Variants in HUS1 observed in about 807,000 individuals in gnomAD.
The protein encoded by HUS1 is checkpoint protein HUS1.
HUS1 carries 31 observed loss-of-function variants against 32.6 expected under a neutral mutation model. That is an observed-to-expected ratio of 0.95 (90% CI 0.72 to 1.28). The LOEUF is 1.28. Ranked by LOEUF, HUS1 falls within the 50% of genes most tolerant of loss-of-function variation. The probability of loss-of-function intolerance (pLI) is 0.00; values close to 1 mark genes in which losing one functional copy is unlikely to be tolerated. For missense variants in HUS1, 340 were observed against 337.7 expected, an observed-to-expected ratio of 1.01 and a Z score of -0.05; for synonymous variants, 123 against 116.6, an observed-to-expected ratio of 1.06 and a Z score of -0.36.
chr7:47,975,653 T>C lies in HUS1; in HGVS notation c.500A>G (p.Lys167Arg). 6.2e-7 allele frequency: 1 copy of C among 1,604,026 alleles called. No homozygotes were observed. The highest frequency in any genetic ancestry group is 8.5e-7 in the Non-Finnish European group (1 of 1,171,948). ...GTTTTTCATTTTTTCCACAACACTCTTCATAGTCTTCAAGACTGGTAAATA... is the reference window on the plus strand; with the variant it reads ...GTTTTTCATTTTTTCCACAACACTCCTCATAGTCTTCAAGACTGGTAAATA... ...SIYLPVLKTM[K>R]SVVEKMKNIS... Residue 167 changes from lysine to arginine, a missense_variant, in exon 5 of 8, where the codon AAG becomes AGG. Lys to Arg is a conservative substitution (Grantham distance 26, BLOSUM62 2). Transcript: ENST00000258774.
At chr7:47,974,705 G>C (rs1302451502) in intron 5 of HUS1, among the ~76,000 whole-genome samples, 2 of 152,122 alleles carry the variant, frequency 1.3e-5, no homozygotes. Context: ...GGGGCAGTGA[G>C]TGAAGGAAGA....
At position 47,978,520 on chromosome 7, in the gene HUS1, G is replaced by C. The variant is rs202060328; in HGVS notation, c.254C>G (p.Ser85Trp). 1.9e-6 allele frequency: 3 copies of C among 1,614,166 alleles called. No individual in the cohort carries two copies. The highest frequency in any genetic ancestry group is 1.1e-5 in the South Asian group (1 of 91,086). Residue 85 changes from serine (S) to tryptophan (W), a missense_variant, in exon 3 of 8, where the codon TCG becomes TGG. Coordinates refer to ENST00000258774, the MANE Select transcript of HUS1 (RefSeq NM_004507.4). ...ENNEIYLELT[S>W]ENLSRALKTA... ...CTTCAAGGCTCGAGATAAGTTTTCC[G>C]ATGTTAGCTCTAAATAAATCTCATT...
chr7:47,975,536 G>A (rs1788684975), intron 5 of HUS1, 77 bp downstream of exon 5: 1 of 904,458 alleles, frequency 1.1e-6, no homozygotes, highest in Admixed American at 1.8e-5. Context: ...TGCATGGACT[G>A]CTGCAGGGTG....
chr7:47,976,677 C>A, intron 4 of HUS1, 53 bp downstream of exon 4: 1 of 974,922 alleles, frequency 1.0e-6, no homozygotes, highest in Non-Finnish European at 1.7e-6. Flanking sequence ...CTAGAGAATT[C>A]AAGTCATGCC....
At chr7:47,970,443 CAG>C (rs1788575700) in intron 5 of HUS1, among the ~76,000 whole-genome samples, 1 of 151,492 alleles carries the variant, frequency 6.6e-6, no homozygotes, top group Non-Finnish European at 1.5e-5. Context: ...ATAGGCACCA[CAG>C]AGAGAATAGT....
At chr7:47,976,532 A>C (rs1788707955) in intron 4 of HUS1, 198 bp downstream of exon 4, 1 of 620,272 alleles carries the variant, frequency 1.6e-6, no homozygotes, top group Admixed American at 2.2e-5. Flanking sequence ...CATTTTCTAC[A>C]TATAGGATGG....
chr7:47,968,417 A>C (rs764546697), intron 6 of HUS1, among the ~76,000 whole-genome samples: 5 of 152,232 alleles, frequency 3.3e-5, no homozygotes, highest in Non-Finnish European at 7.3e-5. Context: ...TATGGATTTC[A>C]CTCTGCTGGA....
intron 5 of HUS1, among the ~76,000 whole-genome samples, chr7:47,969,621 A>T (rs1338547942): frequency 1.3e-5 from 2 of 152,224 alleles, no homozygotes; most frequent in Non-Finnish European, 1.5e-5. Context: ...AGACTACAGC[A>T]GCACAAGGGC....
In HUS1 at chr7:47,979,565, A is replaced by G. The variant is rs1184370625; in HGVS notation, c.-46T>C. On this transcript the variant is annotated 5_prime_UTR_variant, in exon 1 of 8. Coordinates refer to ENST00000258774, the MANE Select transcript of HUS1 (RefSeq NM_004507.4). Reference sequence around the variant, plus strand: ...CGGCGGGCCTCTGTGGGTAACAGAAAAGCGTCGCGCCCTGAGTGTCCCCGC... The same window carrying G: ...CGGCGGGCCTCTGTGGGTAACAGAAGAGCGTCGCGCCCTGAGTGTCCCCGC... The G allele has an allele frequency of 4.7e-6, 7 of 1,494,602 alleles. No homozygotes were observed. Among genetic ancestry groups the G allele is most frequent in the Non-Finnish European group, 6.5e-6 (7 of 1,077,560 alleles). The allele number at this position is 1,494,602 out of a possible 1,614,324, so 92.6% of individuals were successfully genotyped here.
intron 5 of HUS1, among the ~76,000 whole-genome samples, chr7:47,970,187 T>G (rs1039441204): frequency 7.3e-6 from 1 of 136,582 alleles, no homozygotes; most frequent in Non-Finnish European, 1.5e-5. Context: ...GAGCCGAGAT[T>G]GCGCCACTGC....
At chr7:47,966,304 G>A (rs1032159320) in intron 7 of HUS1, among the ~76,000 whole-genome samples, 3 of 152,122 alleles carry the variant, frequency 2.0e-5, no homozygotes, top group African/African-American at 7.2e-5. Flanking sequence ...TTCAACCCAC[G>A]GTGTTTTAAA....
At position 47,979,462 on chromosome 7, in the gene HUS1, G is replaced by A. The variant is rs1788780776; in HGVS notation, c.52+6C>T. 6.2e-7 allele frequency: 1 copy of A among 1,613,220 alleles called. No individual in the cohort carries two copies. The highest frequency in any genetic ancestry group is 1.7e-5 in the Admixed American group (1 of 59,988). ...TCCCTCGCTCCTCTCCGGCCTCCCTGCTCACGTGTGAAGTGGTTCAGACAG... is the reference window on the plus strand; with the variant it reads ...TCCCTCGCTCCTCTCCGGCCTCCCTACTCACGTGTGAAGTGGTTCAGACAG... On this transcript the variant is annotated splice_donor_region_variant and intron_variant, in intron 1 of 7. Coordinates refer to ENST00000258774, the MANE Select transcript of HUS1 (RefSeq NM_004507.4).
chr7:47,965,500 T>C, intron 7 of HUS1, 62 bp from the exon 8 acceptor site: 1 of 1,240,718 alleles, frequency 8.1e-7, no homozygotes, highest in Non-Finnish European at 1.2e-6. Flanking sequence ...TGATCTCTAC[T>C]TTTTCAGAAC....
intron 5 of HUS1, 22 bp from the exon 6 acceptor site, chr7:47,969,340 T>G: frequency 7.3e-7 from 1 of 1,378,952 alleles, no homozygotes; most frequent in Non-Finnish European, 1.0e-6. Flanking sequence ...GTATTTTACA[T>G]AGTCTTAGAA....
intron 4 of HUS1, chr7:47,976,313 T>A (rs1788702555): frequency 4.4e-6 from 2 of 457,596 alleles, no homozygotes; most frequent in South Asian, 1.5e-5. Context: ...GGGTTAACCA[T>A]CGGCATGACC....
intron 5 of HUS1, among the ~76,000 whole-genome samples, chr7:47,970,066 T>C (rs1406427122): frequency 6.6e-6 from 1 of 151,146 alleles, no homozygotes; most frequent in Non-Finnish European, 1.5e-5. Flanking sequence ...ACCCCGTCTC[T>C]ACTAAAAATA....
chr7:47,966,670 T>C (rs1411495432), intron 7 of HUS1, among the ~76,000 whole-genome samples: 1 of 152,164 alleles, frequency 6.6e-6, no homozygotes, highest in Non-Finnish European at 1.5e-5. Flanking sequence ...AAGGAGTCCC[T>C]TTACATGACC....
Position 47,978,474 on chromosome 7 carries a change from A to G in HUS1, c.300T>C (p.Ala100=), listed in dbSNP as rs1788754842. 1.9e-6 allele frequency: 3 copies of G among 1,614,264 alleles called. No individual in the cohort carries two copies. Among genetic ancestry groups the G allele is most frequent in the Non-Finnish European group, 2.5e-6 (3 of 1,180,046 alleles). The change falls in exon 3 of 8, where the codon GCT becomes GCC. Residue 100 remains alanine, a synonymous_variant. Transcript: ENST00000258774. ...RALKTAQNAR[A]LKIKLTNKHF... ...GTTTATTAGTCAGTTTGATTTTCAA[A>G]GCCCTGGCATTCTGGGCAGTCTTCA...
chr7:47,969,384 A>T (rs1318367499), intron 5 of HUS1, 66 bp from the exon 6 acceptor site: 4 of 798,016 alleles, frequency 5.0e-6, no homozygotes, highest in Non-Finnish European at 8.4e-6. Context: ...TCCATGGGCA[A>T]CAGCTTTCAC....
Sources: allele counts gnomAD v4.1 joint callset (sites outside exome capture counted in the v4.1 genomes callset), GRCh38; gene constraint gnomAD v4.1.1; transcripts MANE v1.5; gene names NCBI Gene and HGNC (gene_info 2026-07-23, HGNC 2026-07-21).